DENND1A: variants seen among roughly 807,000 people sequenced by gnomAD.
The protein encoded by DENND1A is DENN domain-containing protein 1A.
Under a neutral mutation model 113.7 loss-of-function variants are expected in DENND1A, and 51 were observed. The ratio of observed to expected loss-of-function variants is 0.45; its 90% confidence interval spans 0.36 to 0.57. The LOEUF (loss-of-function observed/expected upper bound fraction) is 0.57, where lower values mean the gene tolerates loss of function less well. DENND1A is among the 20% of genes least tolerant of loss of function. DENND1A has a pLI of 0.00. For missense variants in DENND1A, 1,258 were observed against 1,395.9 expected, an observed-to-expected ratio of 0.90 and a Z score of 1.57; for synonymous variants, 565 against 570.8, an observed-to-expected ratio of 0.99 and a Z score of 0.14.
intron 1 of DENND1A, among the ~76,000 whole-genome samples, chr9:123,895,391 C>A (rs1359404660): frequency 6.6e-6 from 1 of 151,992 alleles, no homozygotes. Context: ...GAGGCCAAGG[C>A]GGGTGGATCA....
At chr9:123,863,609 A>T (rs10818886) in intron 2 of DENND1A, among the ~76,000 whole-genome samples, 2 of 152,172 alleles carry the variant, frequency 1.3e-5, no homozygotes, top group African/African-American at 4.8e-5. Context: ...AAAAAAAAAA[A>T]AACAACTTTG....
At chr9:123,889,007 TATTTTAA>T (rs1165023666) in intron 1 of DENND1A, among the ~76,000 whole-genome samples, 1 of 145,748 alleles carries the variant, frequency 6.9e-6, no homozygotes, top group African/African-American at 2.5e-5. Context: ...TGTGTGTGTG[TATTTTAA>T]GTTCTTTACA....
chr9:123,453,480 G>A (rs972293469), intron 16 of DENND1A, among the ~76,000 whole-genome samples: 5 of 152,204 alleles, frequency 3.3e-5, no homozygotes, highest in African/African-American at 1.2e-4. Flanking sequence ...TCCCATGAGT[G>A]TATCATCAGA....
intron 5 of DENND1A, among the ~76,000 whole-genome samples, chr9:123,726,787 T>C (rs2067740652): frequency 6.6e-6 from 1 of 152,212 alleles, no homozygotes; most frequent in Admixed American, 6.5e-5. Flanking sequence ...ATAATGTCTA[T>C]AGAACTTTTT....
chr9:123,471,966 C>A (rs1185880099), intron 13 of DENND1A, among the ~76,000 whole-genome samples: 1 of 152,238 alleles, frequency 6.6e-6, no homozygotes, highest in East Asian at 1.9e-4. Flanking sequence ...CGCCCAGGGG[C>A]TCTGAAGAAA....
chr9:123,680,122 T>A (rs916042346), intron 5 of DENND1A, among the ~76,000 whole-genome samples: 1 of 152,150 alleles, frequency 6.6e-6, no homozygotes, highest in Non-Finnish European at 1.5e-5. Flanking sequence ...TTCGGACTGA[T>A]GTAGAAGATG....
chr9:123,596,493 A>T (rs2059698025), intron 11 of DENND1A, among the ~76,000 whole-genome samples: 1 of 152,232 alleles, frequency 6.6e-6, no homozygotes, highest in African/African-American at 2.4e-5. Flanking sequence ...ATTTTACAGA[A>T]GAACAACCTG....
Position 123,546,169 on chromosome 9 carries a change from G to C in DENND1A, c.993+11401C>G, listed in dbSNP as rs980046981. 2.0e-5 allele frequency among the ~76,000 whole-genome samples: 3 copies of C among 152,098 alleles called. 1 individual carries two copies. The highest frequency in any genetic ancestry group is 7.3e-5 in the African/African-American group (3 of 41,374). On this transcript the variant is annotated intron_variant, in intron 13 of 23. Coordinates refer to ENST00000394215, the MANE Select transcript of DENND1A (RefSeq NM_001352964.2). The stretch of plus-strand genomic sequence containing the variant: ...CATGCAGCTGCTGGGCTGTGCCTTC[G>C]CTTTACATTTACACATTCGTGATGT...
intron 2 of DENND1A, among the ~76,000 whole-genome samples, chr9:123,813,397 G>A (rs1260676235): frequency 2.0e-5 from 3 of 151,610 alleles, no homozygotes; most frequent in Non-Finnish European, 4.4e-5. Flanking sequence ...TCAAGGCTGT[G>A]AGTAGGACTT....
chr9:123,868,432 C>T (rs1846083915), intron 2 of DENND1A, among the ~76,000 whole-genome samples: 2 of 152,200 alleles, frequency 1.3e-5, no homozygotes, highest in Non-Finnish European at 2.9e-5. Context: ...AAAATAACAG[C>T]TCCCATTTAT....
intron 7 of DENND1A, among the ~76,000 whole-genome samples, chr9:123,668,102 G>A (rs1374763973): frequency 6.6e-6 from 1 of 152,118 alleles, no homozygotes; most frequent in African/African-American, 2.4e-5. Flanking sequence ...AGAAGACAAT[G>A]GCAAGCAGGA....
chr9:123,414,371 T>TCCC, intron 19 of DENND1A: 1 of 1,427,036 alleles, frequency 7.0e-7, no homozygotes, highest in South Asian at 1.5e-5. Context: ...GTCCATCGCC[T>TCCC]ACATTTGTTT....
At chr9:123,409,308 C>T (rs1329533927) in intron 20 of DENND1A, among the ~76,000 whole-genome samples, 1 of 151,666 alleles carries the variant, frequency 6.6e-6, no homozygotes, top group Non-Finnish European at 1.5e-5. Context: ...CTTCCCGCAG[C>T]ATTTTATATA....
chr9:123,869,445 T>A (rs1194909710), intron 2 of DENND1A, among the ~76,000 whole-genome samples: 1 of 152,180 alleles, frequency 6.6e-6, no homozygotes, highest in African/African-American at 2.4e-5. Flanking sequence ...ATTACAGCAA[T>A]CTTGAGAAAA....
chr9:123,698,842 G>A (rs1049918408), intron 5 of DENND1A, among the ~76,000 whole-genome samples: 1 of 152,222 alleles, frequency 6.6e-6, no homozygotes, highest in Non-Finnish European at 1.5e-5. Context: ...ATTCAGTGAA[G>A]ATGGATCAAA....
At chr9:123,559,879 C>T (rs2057639066) in intron 12 of DENND1A, among the ~76,000 whole-genome samples, 1 of 152,200 alleles carries the variant, frequency 6.6e-6, no homozygotes, top group South Asian at 2.1e-4. Context: ...ACTCACCTTC[C>T]TTCTGTCTCT....
chr9:123,530,712 A>G (rs1345646322), intron 13 of DENND1A, among the ~76,000 whole-genome samples: 1 of 152,190 alleles, frequency 6.6e-6, no homozygotes, highest in African/African-American at 2.4e-5. Flanking sequence ...CTTTATCTGC[A>G]GGGGATGTGT....
intron 13 of DENND1A, among the ~76,000 whole-genome samples, chr9:123,520,334 C>T (rs1335875524): frequency 6.6e-6 from 1 of 152,044 alleles, no homozygotes; most frequent in Non-Finnish European, 1.5e-5. Context: ...TGACAGGTGC[C>T]TGTAATCTCA....
At chr9:123,656,550 A>T (rs1040375672) in intron 8 of DENND1A, among the ~76,000 whole-genome samples, 1 of 152,218 alleles carries the variant, frequency 6.6e-6, no homozygotes, top group African/African-American at 2.4e-5. Flanking sequence ...GGAGAAAAAA[A>T]TCTCAAGTGA....
Sources: allele counts gnomAD v4.1 joint callset (sites outside exome capture counted in the v4.1 genomes callset), GRCh38; gene constraint gnomAD v4.1.1; transcripts MANE v1.5; gene names NCBI Gene and HGNC (gene_info 2026-07-23, HGNC 2026-07-21).